DGKB: variants seen among roughly 807,000 people sequenced by gnomAD.
DGKB encodes the protein diacylglycerol kinase beta.
Under a neutral mutation model 114.3 loss-of-function variants are expected in DGKB, and 67 were observed. The ratio of observed to expected loss-of-function variants is 0.59; its 90% CI spans 0.48 to 0.72. DGKB has a LOEUF of 0.72. Among genes scored for constraint, DGKB ranks in the 30% least tolerant of loss-of-function variants. The probability of loss-of-function intolerance (pLI) is 0.00; values close to 1 mark genes in which losing one functional copy is unlikely to be tolerated. For synonymous variants in DGKB, 398 were observed against 323.1 expected, an observed-to-expected ratio of 1.23 and a Z score of -2.49; for missense variants, 907 against 975.2, an observed-to-expected ratio of 0.93 and a Z score of 0.93.
intron 20 of DGKB, among the ~76,000 whole-genome samples, chr7:14,550,716 A>C (rs922675481): frequency 1.3e-5 from 2 of 152,190 alleles, no homozygotes; most frequent in African/African-American, 2.4e-5. Flanking sequence ...TAAGAACCAA[A>C]TAACAATGAT....
intron 23 of DGKB, among the ~76,000 whole-genome samples, chr7:14,193,203 C>T (rs918637261): frequency 2.0e-5 from 3 of 151,262 alleles, no homozygotes; most frequent in Admixed American, 1.3e-4. Context: ...CTATAAAATT[C>T]TGTAGAACTA....
At chr7:14,332,109 T>C (rs1342585649) in intron 23 of DGKB, among the ~76,000 whole-genome samples, 2 of 151,626 alleles carry the variant, frequency 1.3e-5, no homozygotes, top group Non-Finnish European at 2.9e-5. Flanking sequence ...TTTTTTGTTT[T>C]TTTGGCCTGA....
At chr7:14,228,680 T>A (rs147503817) in intron 23 of DGKB, among the ~76,000 whole-genome samples, 1 of 152,176 alleles carries the variant, frequency 6.6e-6, no homozygotes, top group African/African-American at 2.4e-5. Flanking sequence ...TAGATGATTT[T>A]GAATTTTGTA....
At chr7:14,612,152 C>CTTATT (rs1392275749) in intron 16 of DGKB, among the ~76,000 whole-genome samples, 2 of 92,710 alleles carry the variant, frequency 2.2e-5, no homozygotes, top group African/African-American at 6.4e-5. Flanking sequence ...AAATCTTATA[C>CTTATT]TCATTTTATT....
In DGKB at chr7:14,831,350, T is replaced by C. The variant is rs148007254; in HGVS notation, c.70+9844A>G. ...ATAATTCTCAATGTTTCCTTCATGT[T>C]TCTGTACATTTCACAAGCAGAAGCA... is the stretch of plus-strand genomic sequence containing the variant. On this transcript the variant is annotated intron_variant, in intron 2 of 25. Coordinates refer to ENST00000402815, the MANE Select transcript of DGKB (RefSeq NM_001350709.2). Among the ~76,000 whole-genome samples, 108 of 152,138 alleles carry C rather than the reference T, an allele frequency of 7.1e-4. 3 individuals carry two copies. The East Asian group carries it at 0.021, about 29-fold the overall frequency.
intron 21 of DGKB, among the ~76,000 whole-genome samples, chr7:14,468,962 A>T (rs2128882951): frequency 6.6e-6 from 1 of 152,226 alleles, no homozygotes; most frequent in Non-Finnish European, 1.5e-5. Flanking sequence ...TATTTAAAAT[A>T]TTTGCATGGA....
Position 14,290,130 on chromosome 7 carries a change from T to A in DGKB, c.2122+48385A>T, listed in dbSNP as rs569889563. Among the ~76,000 whole-genome samples, 15 of 152,288 alleles carry A rather than the reference T, an allele frequency of 9.8e-5. No homozygotes were observed. The East Asian group carries it at 2.9e-3, about 29-fold the overall frequency. ...TGTTCACAGACAAACTGCAGGAACC[T>A]GACCTCAAAGCCCAACCAGGCTCTG... On this transcript the variant is annotated intron_variant, in intron 23 of 25. Transcript: ENST00000402815.
At chr7:14,735,503 T>C (rs988103240) in intron 5 of DGKB, among the ~76,000 whole-genome samples, 7 of 152,254 alleles carry the variant, frequency 4.6e-5, no homozygotes, top group Admixed American at 3.9e-4. Context: ...TGGAGGGAGA[T>C]TGATACAACA....
chr7:14,634,225 T>C (rs891047848), intron 13 of DGKB, among the ~76,000 whole-genome samples: 1 of 151,586 alleles, frequency 6.6e-6, no homozygotes, highest in East Asian at 1.9e-4. Context: ...TGAAACAAGA[T>C]ACTTTATCTT....
At chr7:14,536,214 C>T (rs1253858939) in intron 20 of DGKB, among the ~76,000 whole-genome samples, 1 of 151,990 alleles carries the variant, frequency 6.6e-6, no homozygotes, top group Non-Finnish European at 1.5e-5. Flanking sequence ...GTGAATTTTA[C>T]CAAACATTTA....
chr7:14,639,734 C>T lies in DGKB; in HGVS notation c.1135-9466G>A, dbSNP rs548623629. Among the ~76,000 whole-genome samples the T allele has an allele frequency of 3.9e-5, 6 of 152,330 alleles. No homozygotes were observed. The South Asian group carries it at 1.0e-3, about 26-fold the overall frequency. The stretch of plus-strand genomic sequence containing the variant: ...TGCCTCTTCCTTTTTCTGCCTCCCT[C>T]CCTTCATTATAGGTTGTTTTGTTTT... On this transcript the variant is annotated intron_variant, in intron 13 of 25. Coordinates refer to ENST00000402815, the MANE Select transcript of DGKB (RefSeq NM_001350709.2).
At chr7:14,416,534 G>T (rs1306376861) in intron 21 of DGKB, among the ~76,000 whole-genome samples, 1 of 151,986 alleles carries the variant, frequency 6.6e-6, no homozygotes, top group African/African-American at 2.4e-5. Flanking sequence ...TAATTCCCAC[G>T]TGGTGTGGGA....
intron 17 of DGKB, among the ~76,000 whole-genome samples, chr7:14,590,766 T>C (rs1336181929): frequency 5.3e-5 from 8 of 152,178 alleles, no homozygotes; most frequent in Non-Finnish European, 1.2e-4. Flanking sequence ...GGGCTCTTTA[T>C]ATACACATAA....
At chr7:14,591,748 T>C (rs1801739459) in intron 17 of DGKB, among the ~76,000 whole-genome samples, 1 of 152,058 alleles carries the variant, frequency 6.6e-6, no homozygotes. Flanking sequence ...GGTGGTGAAA[T>C]TGTGATGCTT....
At chr7:14,176,784 CAA>C in intron 25 of DGKB, 53 bp downstream of exon 25, 1 of 1,570,286 alleles carries the variant, frequency 6.4e-7, no homozygotes, top group Non-Finnish European at 8.7e-7. Context: ...GTTATTTAGT[CAA>C]AGAGGAAAGC....
chr7:14,828,013 C>T (rs1294571530), intron 2 of DGKB, among the ~76,000 whole-genome samples: 1 of 151,966 alleles, frequency 6.6e-6, no homozygotes, highest in African/African-American at 2.4e-5. Context: ...GTGGCAGCAC[C>T]AATGTTTTGC....
intron 25 of DGKB, among the ~76,000 whole-genome samples, chr7:14,156,988 C>G (rs1349322568): frequency 6.6e-6 from 1 of 152,124 alleles, no homozygotes; most frequent in Non-Finnish European, 1.5e-5. Flanking sequence ...GTTCTTCAAA[C>G]ATACCTCAGC....
chr7:14,917,105 T>C (rs1784279741), intron 1 of DGKB, among the ~76,000 whole-genome samples: 1 of 152,044 alleles, frequency 6.6e-6, no homozygotes, highest in South Asian at 2.1e-4. Context: ...ACAATACTTA[T>C]GTCAAAATAT....
chr7:14,813,246 G>A (rs185228872), intron 2 of DGKB, among the ~76,000 whole-genome samples: 1 of 152,218 alleles, frequency 6.6e-6, no homozygotes, highest in African/African-American at 2.4e-5. Context: ...TAGAAAAAAA[G>A]GAAGAGATAT....
Sources: gnomAD v4.1 joint callset for allele counts (sites outside exome capture counted in the v4.1 genomes callset) on GRCh38, gnomAD v4.1.1 for gene constraint, MANE v1.5 for transcripts, NCBI Gene and HGNC (gene_info 2026-07-23, HGNC 2026-07-21) for gene names.